Variants in TRIO observed in about 807,000 individuals in gnomAD.
TRIO encodes the protein triple functional domain protein.
In TRIO, 58 loss-of-function variants were observed where a neutral mutation model predicts 351.9. That is an observed-to-expected ratio of 0.16 (90% CI 0.13 to 0.21). TRIO has a LOEUF of 0.21. TRIO is among the 10% of genes least tolerant of loss of function. The pLI is 1.00. For missense variants in TRIO, 3,201 were observed against 4,027.8 expected (o/e 0.79, Z 5.56); for synonymous variants, 1,758 against 1,595.7 (o/e 1.10, Z -2.42).
chr5:14,368,680 A>G (rs762101926), intron 16 of TRIO, 28 bp from the exon 17 acceptor site: 3 of 1,598,940 alleles, frequency 1.9e-6, no homozygotes, highest in African/African-American at 1.3e-5. Context: ...CTGACAAATA[A>G]GCCTTCCCTT....
Position 14,398,938 on chromosome 5 carries a change from G to T in TRIO, c.4482G>T (p.Val1494=). 1 of 1,614,136 alleles carries T rather than the reference G, an allele frequency of 6.2e-7. No individual in the cohort carries two copies. Among genetic ancestry groups the T allele is most frequent in the Non-Finnish European group, 8.5e-7 (1 of 1,180,028 alleles). ...GELILQESFQ[V]WDPKTLIRKG... The stretch of plus-strand genomic sequence containing the variant: ...TCATCCTACAGGAATCCTTCCAAGT[G>T]TGGGACCCAAAAACCTTAATTCGAA... The change falls in exon 30 of 57, where the codon GTG becomes GTT. Residue 1494 remains valine (V), a synonymous_variant. Coordinates refer to ENST00000344204, the MANE Select transcript of TRIO (RefSeq NM_007118.4).
intron 6 of TRIO, among the ~76,000 whole-genome samples, chr5:14,294,940 A>T (rs1254739602): frequency 6.6e-6 from 1 of 152,140 alleles, no homozygotes; most frequent in East Asian, 1.9e-4. Context: ...AGGGGGGTCG[A>T]ATATATTTTC....
intron 34 of TRIO, among the ~76,000 whole-genome samples, chr5:14,429,445 A>G (rs1340356701): frequency 3.9e-5 from 6 of 152,224 alleles, no homozygotes; most frequent in Admixed American, 3.9e-4. Flanking sequence ...GCTGAGCTGA[A>G]AATGCAAAGA....
Position 14,286,410 on chromosome 5 carries a change from G to C in TRIO, c.348-461G>C, listed in dbSNP as rs1284616028. On this transcript the variant is annotated intron_variant, in intron 3 of 56. Coordinates refer to ENST00000344204, the MANE Select transcript of TRIO (RefSeq NM_007118.4). This position sits in a 1 kb window ranked among gnomAD's most constrained non-coding sequence, Gnocchi z 4.4. ...GTCATTTTCAGCACCTGGGGTGCTG[G>C]GAGTCCTGGGGTAACTGCCGTCCAC... Among the ~76,000 whole-genome samples, 1 of 152,038 alleles carries C rather than the reference G, an allele frequency of 6.6e-6. No homozygotes were observed.
intron 9 of TRIO, among the ~76,000 whole-genome samples, chr5:14,323,437 G>A (rs1740070534): frequency 6.6e-6 from 1 of 152,208 alleles, no homozygotes; most frequent in Admixed American, 6.5e-5. Flanking sequence ...GAATCTTTGA[G>A]TGGTGCTTTT....
intron 34 of TRIO, among the ~76,000 whole-genome samples, chr5:14,438,978 C>T (rs761956747): frequency 1.3e-5 from 2 of 152,112 alleles, no homozygotes; most frequent in Non-Finnish European, 2.9e-5. Context: ...CTCATCTGTG[C>T]GATGCTACAC....
At chr5:14,309,089 C>T (rs1238040524) in intron 8 of TRIO, among the ~76,000 whole-genome samples, 1 of 32 alleles carries the variant, frequency 0.031, no homozygotes, top group Admixed American at 0.17. Flanking sequence ...CCCACCCATC[C>T]ACACATTATC....
intron 35 of TRIO, among the ~76,000 whole-genome samples, chr5:14,462,083 C>A (rs1753863347): frequency 6.6e-6 from 1 of 152,176 alleles, no homozygotes; most frequent in African/African-American, 2.4e-5. Context: ...AAGTCTCACA[C>A]AGGTTCGAAA....
chr5:14,343,641 GTTTA>G (rs1168503312), intron 11 of TRIO, among the ~76,000 whole-genome samples: 1 of 152,098 alleles, frequency 6.6e-6, no homozygotes, highest in Non-Finnish European at 1.5e-5. Context: ...ATATATCACA[GTTTA>G]TTTAACTATT....
intron 5 of TRIO, 81 bp downstream of exon 5, chr5:14,291,309 G>C: frequency 6.9e-7 from 1 of 1,440,434 alleles, no homozygotes; most frequent in Non-Finnish European, 9.4e-7. Context: ...AAAGAGAAAA[G>C]GTGGAGAATG....
chr5:14,174,191 T>C (rs921906720), intron 1 of TRIO, among the ~76,000 whole-genome samples: 2 of 152,224 alleles, frequency 1.3e-5, no homozygotes, highest in African/African-American at 4.8e-5. Flanking sequence ...ACAGTCCCCA[T>C]GTTGAGCAGG....
intron 1 of TRIO, among the ~76,000 whole-genome samples, chr5:14,268,903 G>A (rs760471936): frequency 3.9e-5 from 6 of 152,156 alleles, no homozygotes; most frequent in Non-Finnish European, 5.9e-5. Context: ...AGTGAGTTAC[G>A]GTGACTGGCA....
intron 34 of TRIO, among the ~76,000 whole-genome samples, chr5:14,421,799 C>T (rs1357792898): frequency 4.6e-5 from 7 of 152,026 alleles, no homozygotes; most frequent in African/African-American, 1.7e-4. Context: ...GAATCTCTGT[C>T]TAGGAGACAG....
Position 14,364,756 on chromosome 5 carries a change from G to T in TRIO, c.2694G>T (p.Gln898His), listed in dbSNP as rs1336772535. 2 of 1,612,604 alleles carry T rather than the reference G, an allele frequency of 1.2e-6. No homozygotes were observed. Among genetic ancestry groups the T allele is most frequent in the Admixed American group, 1.7e-5 (1 of 60,030 alleles). ...AGGAATTGGATTTAGCCGCAGAGCA[G>T]CATCGGAAACACCTGGAGCAGTGCG... ...KQQELDLAAE[Q>H]HRKHLEQCVQ... Residue 898 changes from glutamine to histidine, a missense_variant, in exon 15 of 57, where the codon CAG (glutamine) becomes CAT (histidine). Physicochemically the swap from Gln to His is conservative, Grantham distance 24. Coordinates refer to ENST00000344204, the MANE Select transcript of TRIO (RefSeq NM_007118.4).
chr5:14,338,751 G>A (rs1741659003), intron 11 of TRIO, among the ~76,000 whole-genome samples: 1 of 152,178 alleles, frequency 6.6e-6, no homozygotes, highest in Admixed American at 6.5e-5. Flanking sequence ...ATGCCATAAG[G>A]GAGAGGCAGG....
In TRIO at chr5:14,389,278, C is replaced by T. The variant is rs567528373; in HGVS notation, c.3949-11C>T. 6.3e-7 allele frequency: 1 copy of T among 1,588,062 alleles called. No individual in the cohort carries two copies. The highest frequency in any genetic ancestry group is 1.9e-5 in the Admixed American group (1 of 53,430). On this transcript the variant is annotated splice_polypyrimidine_tract_variant and intron_variant, in intron 24 of 56. Coordinates refer to ENST00000344204, the MANE Select transcript of TRIO (RefSeq NM_007118.4). ...TTATTTTTGTCTAATCCCTGTTTCC[C>T]TCTCGGCTAGACGTACCTGTGGGAA...
chr5:14,339,733 T>G (rs1414337753), intron 11 of TRIO, among the ~76,000 whole-genome samples: 2 of 152,190 alleles, frequency 1.3e-5, no homozygotes, highest in African/African-American at 4.8e-5. Context: ...TCAGTAGATT[T>G]GTCTTTCCCT....
At position 14,374,255 on chromosome 5, in the gene TRIO, A is replaced by C; in HGVS notation, c.3243A>C (p.Ala1081=). The C allele has an allele frequency of 1.2e-6, 2 of 1,613,640 alleles. No individual in the cohort carries two copies. The highest frequency in any genetic ancestry group is 1.7e-6 in the Non-Finnish European group (2 of 1,179,684). The change falls in exon 19 of 57, where the codon GCA becomes GCC. Residue 1081 remains alanine, a synonymous_variant. Coordinates refer to ENST00000344204, the MANE Select transcript of TRIO (RefSeq NM_007118.4). ...CTTGCACCCTTGCTCGGAGGAATGC[A>C]GACGTCTTCCTGAAATACCTGCACA... ...LKACTLARRN[A]DVFLKYLHRN... is the part of the protein sequence containing the mutation.
chr5:14,424,916 C>T (rs1182362458), intron 34 of TRIO, among the ~76,000 whole-genome samples: 2 of 152,216 alleles, frequency 1.3e-5, no homozygotes, highest in Admixed American at 6.5e-5. Flanking sequence ...GAATAGTTTA[C>T]TTTTCCACTT....
Sources: allele counts gnomAD v4.1 joint callset (sites outside exome capture counted in the v4.1 genomes callset), GRCh38; gene constraint gnomAD v4.1.1; non-coding constraint Gnocchi (gnomAD v3.1); transcripts MANE v1.5; gene names NCBI Gene and HGNC (gene_info 2026-07-23, HGNC 2026-07-21).